The following LRRIQ1 variants were observed in gnomAD, a reference collection of about 807,000 sequenced individuals.
The protein encoded by LRRIQ1 is leucine rich repeats and IQ motif containing 1.
Under a neutral mutation model 211.9 loss-of-function variants are expected in LRRIQ1, and 210 were observed. The ratio of observed to expected loss-of-function variants is 0.99; its 90% CI spans 0.89 to 1.11. The LOEUF (loss-of-function observed/expected upper bound fraction) is 1.11, where lower values mean the gene tolerates loss of function less well. Among genes scored for constraint, LRRIQ1 ranks in the 50% most tolerant of loss-of-function variants. The probability of loss-of-function intolerance (pLI) is 0.00; values close to 1 mark genes in which losing one functional copy is unlikely to be tolerated. For missense variants in LRRIQ1, 2,136 were observed against 1,939.5 expected, an observed-to-expected ratio of 1.10 and a Z score of -1.90; for synonymous variants, 699 against 650.1, an observed-to-expected ratio of 1.08 and a Z score of -1.14.
downstream of LRRIQ1, among the ~76,000 whole-genome samples, chr12:85,266,864 A>T (rs1896431747): frequency 6.6e-6 from 1 of 152,146 alleles, no homozygotes; most frequent in Admixed American, 6.6e-5. Context: ...AGCCAATTCA[A>T]TTAATAATGC....
Position 85,073,090 on chromosome 12 carries a change from A to G in LRRIQ1, c.2879A>G (p.Tyr960Cys). 5 of 1,595,138 alleles carry G rather than the reference A, an allele frequency of 3.1e-6. No homozygotes were observed. Among genetic ancestry groups the G allele is most frequent in the Non-Finnish European group, 4.3e-6 (5 of 1,166,764 alleles). Residue 960 changes from tyrosine to cysteine, a missense_variant, in exon 11 of 27, where the codon TAC becomes TGC. Coordinates refer to ENST00000393217, the MANE Select transcript of LRRIQ1 (RefSeq NM_001079910.2). ...SDCNFLISHL[Y>C]WNCGLESLKN... Reference sequence around the variant, plus strand: ...TGTAATTTCCTTATCTCCCACTTATACTGGAATTGTAAGTTGTGTTTATTT... The same window carrying G: ...TGTAATTTCCTTATCTCCCACTTATGCTGGAATTGTAAGTTGTGTTTATTT...
chr12:85,183,151 A>G (rs1449332056), intron 24 of LRRIQ1, among the ~76,000 whole-genome samples: 2 of 152,156 alleles, frequency 1.3e-5, no homozygotes, highest in Non-Finnish European at 2.9e-5. Flanking sequence ...GAATAAAACA[A>G]TTTCTTAAGT....
chr12:85,165,222 A>G (rs1287892262), intron 24 of LRRIQ1, among the ~76,000 whole-genome samples: 1 of 152,084 alleles, frequency 6.6e-6, no homozygotes, highest in East Asian at 1.9e-4. Context: ...TTGGGCTACA[A>G]ATGATCTCAT....
chr12:85,154,954 T>C (rs977158704), intron 23 of LRRIQ1, among the ~76,000 whole-genome samples: 1 of 151,204 alleles, frequency 6.6e-6, no homozygotes, highest in Non-Finnish European at 1.5e-5. Context: ...CATAAAACTA[T>C]TTTTATCTTT....
intron 12 of LRRIQ1, 27 bp downstream of exon 12, chr12:85,098,575 T>G (rs764757682): frequency 6.5e-7 from 1 of 1,541,836 alleles, no homozygotes; most frequent in Non-Finnish European, 8.8e-7. Context: ...AATTGATTTC[T>G]GTGATAAAGC....
chr12:85,200,059 C>T (rs1037373053), intron 24 of LRRIQ1, among the ~76,000 whole-genome samples: 3 of 152,116 alleles, frequency 2.0e-5, no homozygotes, highest in Non-Finnish European at 2.9e-5. Context: ...TTGCTTTGGG[C>T]AGCATGACCA....
intron 24 of LRRIQ1, among the ~76,000 whole-genome samples, chr12:85,192,659 A>AT (rs1892612212): frequency 3.7e-5 from 3 of 80,168 alleles, no homozygotes; most frequent in African/African-American, 9.7e-5. Flanking sequence ...CTATAATTAT[A>AT]AATATATAGT....
chr12:85,040,412 G>T, intron 2 of LRRIQ1, 78 bp from the exon 3 acceptor site: 1 of 730,460 alleles, frequency 1.4e-6, no homozygotes, highest in Non-Finnish European at 2.2e-6. Context: ...TTTTGCTGTG[G>T]AATGAAGGGT....
At chr12:85,161,837 G>A (rs535166823) in intron 24 of LRRIQ1, among the ~76,000 whole-genome samples, 3 of 151,976 alleles carry the variant, frequency 2.0e-5, no homozygotes, top group Non-Finnish European at 4.4e-5. Context: ...TCAGGAGATC[G>A]AGACCATCCT....
In LRRIQ1 at chr12:85,123,945, A is replaced by C. The variant is rs564182213; in HGVS notation, c.3558-125A>C. 1.9e-5 allele frequency: 12 copies of C among 647,130 alleles called. 1 individual carries two copies. The highest frequency in any genetic ancestry group is 1.8e-4 in the Admixed American group (6 of 32,844). The allele number at this position is 647,130 out of a possible 1,614,324, so 40.1% of individuals were successfully genotyped here. A position where few individuals can be genotyped will look rare whatever the true frequency, so the allele number is the denominator to read the frequency against. On this transcript the variant is annotated intron_variant, in intron 16 of 26. Transcript: ENST00000393217. Reference sequence around the variant, plus strand: ...ATATAAACAACTAGAAATAATCTATAATGAATGTTGTACTGAAGTTTAATA... The same window carrying C: ...ATATAAACAACTAGAAATAATCTATCATGAATGTTGTACTGAAGTTTAATA...
At chr12:85,261,987 G>A (rs1200337405) in intron 1 of LRRIQ1, among the ~76,000 whole-genome samples, 7 of 151,634 alleles carry the variant, frequency 4.6e-5, no homozygotes, top group South Asian at 2.1e-4. Context: ...ACAGGGTTTC[G>A]CCATGTTGGT....
intron 11 of LRRIQ1, among the ~76,000 whole-genome samples, chr12:85,073,807 G>C (rs1883349052): frequency 6.6e-6 from 1 of 152,004 alleles, no homozygotes; most frequent in South Asian, 2.1e-4. Flanking sequence ...GTTGGAGTCT[G>C]TTTTTCATCT....
At chr12:85,188,559 C>T (rs1439123894) in intron 24 of LRRIQ1, among the ~76,000 whole-genome samples, 6 of 152,066 alleles carry the variant, frequency 3.9e-5, no homozygotes, top group Non-Finnish European at 5.9e-5. Flanking sequence ...GCAGAGTACT[C>T]ATAAGACTGA....
At chr12:85,209,109 G>C (rs1018492554) in intron 24 of LRRIQ1, among the ~76,000 whole-genome samples, 1 of 152,134 alleles carries the variant, frequency 6.6e-6, no homozygotes, top group Non-Finnish European at 1.5e-5. Flanking sequence ...TTGCATCCTG[G>C]ATGTCACTTA....
At chr12:85,193,155 A>C (rs1210437707) in intron 24 of LRRIQ1, among the ~76,000 whole-genome samples, 2 of 119,916 alleles carry the variant, frequency 1.7e-5, no homozygotes, top group Non-Finnish European at 3.4e-5. Flanking sequence ...CCATATATTT[A>C]TATATATGGG....
rs71076115 is a variant in LRRIQ1 at position 85,174,701 on chromosome 12, C to CAAAAAAAAAAAAAAAAAAAA, written c.4822+13990_4822+14009dup. ...TGGGTGACAGAGCAAGAGTACAGCT[C>CAAAAAAAAAAAAAAAAAAAA]AAAAAAAAAAAAAAAAAAAAAATCT... On this transcript the variant is annotated intron_variant, in intron 24 of 26. Coordinates refer to ENST00000393217, the MANE Select transcript of LRRIQ1 (RefSeq NM_001079910.2). Among the ~76,000 whole-genome samples, 176 of 21,544 alleles carry CAAAAAAAAAAAAAAAAAAAA rather than the reference C, an allele frequency of 8.2e-3. 17 individuals carry two copies. The highest frequency in any genetic ancestry group is 0.011 in the Non-Finnish European group (144 of 12,914). 14.1% of individuals were successfully genotyped at this position (21,544 alleles called of 152,430 possible).
chr12:85,039,295 G>C (rs1878572857), intron 2 of LRRIQ1, among the ~76,000 whole-genome samples: 1 of 151,280 alleles, frequency 6.6e-6, no homozygotes, highest in South Asian at 2.1e-4. Flanking sequence ...ATCAGTGTAA[G>C]TATTATTACC....
chr12:85,152,958 A>G (rs1345620446), intron 20 of LRRIQ1, 66 bp from the exon 21 acceptor site: 1 of 1,250,720 alleles, frequency 8.0e-7, no homozygotes, highest in Non-Finnish European at 1.1e-6. Flanking sequence ...TGCATGTAAA[A>G]TAATACAACA....
At chr12:85,079,195 A>G (rs972435521) in intron 11 of LRRIQ1, among the ~76,000 whole-genome samples, 8 of 151,396 alleles carry the variant, frequency 5.3e-5, no homozygotes, top group Admixed American at 5.3e-4. Flanking sequence ...AGGTCTCTGG[A>G]CCACACTTTG....
Sources: allele counts gnomAD v4.1 joint callset (sites outside exome capture counted in the v4.1 genomes callset), GRCh38; gene constraint gnomAD v4.1.1; transcripts MANE v1.5; gene names NCBI Gene and HGNC (gene_info 2026-07-23, HGNC 2026-07-21).